Variants in PANX1 observed in about 807,000 individuals in gnomAD.
PANX1 encodes pannexin 1.
In PANX1, 30 loss-of-function variants were observed where a neutral mutation model predicts 38.7. The ratio of observed to expected loss-of-function variants is 0.78; its 90% confidence interval spans 0.58 to 1.05. The LOEUF (loss-of-function observed/expected upper bound fraction) is 1.05. Ranked by LOEUF, PANX1 falls within the 50% of genes least tolerant of loss-of-function variation. The pLI is 0.00. For synonymous variants in PANX1, 230 were observed against 212.2 expected (o/e 1.08, Z -0.73); for missense variants, 551 against 517.2 (o/e 1.07, Z -0.63).
intron 2 of PANX1, among the ~76,000 whole-genome samples, chr11:94,171,277 G>A (rs1947163362): frequency 1.3e-5 from 2 of 151,440 alleles, no homozygotes; most frequent in Admixed American, 6.6e-5. Context: ...CTAACTTCAG[G>A]CATCCCACTC....
chr11:94,152,059 A>T (rs1946888248), intron 1 of PANX1, among the ~76,000 whole-genome samples: 1 of 137,468 alleles, frequency 7.3e-6, no homozygotes, highest in South Asian at 2.1e-4. Context: ...GAGGCCTTTT[A>T]TGTGCCAGGG....
intron 3 of PANX1, 136 bp downstream of exon 3, chr11:94,178,728 G>C (rs754392056): frequency 3.1e-6 from 2 of 654,658 alleles, no homozygotes; most frequent in Non-Finnish European, 5.4e-6. Flanking sequence ...CATGCACCTA[G>C]TGACAGCCTG....
intron 1 of PANX1, among the ~76,000 whole-genome samples, chr11:94,136,070 A>C (rs770840251): frequency 1.3e-5 from 2 of 152,202 alleles, no homozygotes; most frequent in Non-Finnish European, 2.9e-5. Flanking sequence ...AAATCTTCGT[A>C]AATATTTCTC....
chr11:94,156,377 C>G (rs1183089450), intron 2 of PANX1, among the ~76,000 whole-genome samples: 1 of 152,216 alleles, frequency 6.6e-6, no homozygotes, highest in Non-Finnish European at 1.5e-5. Context: ...GGAGGTTTAT[C>G]TAAGTTTCTC....
At chr11:94,144,916 C>G (rs896643554) in intron 1 of PANX1, among the ~76,000 whole-genome samples, 2 of 152,110 alleles carry the variant, frequency 1.3e-5, no homozygotes, top group Admixed American at 1.3e-4. Flanking sequence ...GTTTCTTTTA[C>G]TAGGTTGAAT....
At chr11:94,151,833 T>A (rs12363528) in intron 1 of PANX1, among the ~76,000 whole-genome samples, 2 of 152,222 alleles carry the variant, frequency 1.3e-5, no homozygotes, top group Non-Finnish European at 2.9e-5. Flanking sequence ...TGCTGATGTT[T>A]GTGACTTTTC....
intron 1 of PANX1, among the ~76,000 whole-genome samples, chr11:94,145,219 T>G (rs1185615536): frequency 6.6e-6 from 1 of 152,212 alleles, no homozygotes; most frequent in Non-Finnish European, 1.5e-5. Flanking sequence ...ATCTTAGAAA[T>G]GCTGTTATAC....
rs766116648 is a variant in PANX1, at chr11:94,134,931, C to CA, written c.181+5442dup. Among the ~76,000 whole-genome samples, 7 of 152,268 alleles carry CA rather than the reference C, an allele frequency of 4.6e-5. No homozygotes were observed. In the East Asian group the frequency reaches 1.2e-3, roughly 25 times the overall value. On this transcript the variant is annotated intron_variant, in intron 1 of 4. Coordinates refer to ENST00000227638, the MANE Select transcript of PANX1 (RefSeq NM_015368.4). ...TTTCTTACAGCAGCCTGGTTGAAGA[C>CA]AAAACTATCAACAGACCAGACTCTG...
At chr11:94,135,227 A>G (rs1205215597) in intron 1 of PANX1, among the ~76,000 whole-genome samples, 1 of 152,204 alleles carries the variant, frequency 6.6e-6, no homozygotes, top group East Asian at 1.9e-4. Flanking sequence ...CTTAGTGGGC[A>G]GCCACCGTTC....
rs1375862744 is a variant in PANX1 at position 94,179,853 on chromosome 11, A to G, written c.797A>G (p.Lys266Arg). The change falls in exon 4 of 5, where the codon AAA (lysine) becomes AGA (arginine). Residue 266 changes from lysine to arginine, a missense_variant. Lys to Arg is a conservative substitution (Grantham distance 26). Coordinates refer to ENST00000227638, the MANE Select transcript of PANX1 (RefSeq NM_015368.4). ...DSTVPDQFQC[K>R]LIAVGIFQLL... is the part of the protein sequence containing the mutation. ...ACCGTGCCCGATCAGTTTCAGTGCA[A>G]ACTCATTGCCGTGGGCATCTTCCAG... The G allele has an allele frequency of 1.2e-6, 2 of 1,613,974 alleles. No homozygotes were observed. Among genetic ancestry groups the G allele is most frequent in the African/African-American group, 1.3e-5 (1 of 74,898 alleles).
intron 1 of PANX1, among the ~76,000 whole-genome samples, chr11:94,151,502 C>T (rs1027723747): frequency 6.6e-6 from 1 of 152,174 alleles, no homozygotes; most frequent in African/African-American, 2.4e-5. Flanking sequence ...GACAGATATT[C>T]CCAAGCAAGC....
Position 94,180,109 on chromosome 11 carries a change from G to A in PANX1, c.1053G>A (p.Leu351=), listed in dbSNP as rs756785063. 1.2e-6 allele frequency: 2 copies of A among 1,614,030 alleles called. No homozygotes were observed. The highest frequency in any genetic ancestry group is 1.1e-5 in the South Asian group (1 of 91,048). The change falls in exon 4 of 5, where the codon CTG becomes CTA. Residue 351 remains leucine (L), a synonymous_variant. Coordinates refer to ENST00000227638, the MANE Select transcript of PANX1 (RefSeq NM_015368.4). ...AGTCATACAAGTGTCTTAAGGTACT[G>A]GAGAATATTAAGAGCAGTGGTCAGG... ...EVKSYKCLKV[L]ENIKSSGQGI...
intron 1 of PANX1, among the ~76,000 whole-genome samples, chr11:94,151,428 T>C (rs191337661): frequency 6.6e-6 from 1 of 152,330 alleles, no homozygotes. Context: ...TAAGGAACAT[T>C]CTGGGCCAGG....
intron 2 of PANX1, among the ~76,000 whole-genome samples, chr11:94,155,797 A>G (rs761283941): frequency 6.6e-6 from 1 of 152,168 alleles, no homozygotes; most frequent in African/African-American, 2.4e-5. Context: ...GTGGTGCCCT[A>G]TAGTGACTCT....
chr11:94,134,672 CCTT>C (rs1163273045), intron 1 of PANX1, among the ~76,000 whole-genome samples: 1 of 141,696 alleles, frequency 7.1e-6, no homozygotes, highest in East Asian at 2.4e-4. Context: ...CCCTCTTCCT[CCTT>C]CTCTCCCTCT....
chr11:94,167,292 C>T (rs867976769), intron 2 of PANX1, among the ~76,000 whole-genome samples: 1 of 152,140 alleles, frequency 6.6e-6, no homozygotes, highest in African/African-American at 2.4e-5. Flanking sequence ...ATGCCACTTT[C>T]GTTGTTATGT....
chr11:94,150,362 A>G (rs1946870045), intron 1 of PANX1, among the ~76,000 whole-genome samples: 1 of 152,230 alleles, frequency 6.6e-6, no homozygotes, highest in Non-Finnish European at 1.5e-5. Flanking sequence ...ACTTGGCAAC[A>G]GTTTAAACAG....
intron 2 of PANX1, among the ~76,000 whole-genome samples, chr11:94,168,363 G>A (rs990649425): frequency 6.6e-6 from 1 of 151,936 alleles, no homozygotes; most frequent in Non-Finnish European, 1.5e-5. Flanking sequence ...GACAGCGGGA[G>A]CCATTGCAGG....
At position 94,178,377 on chromosome 11, in the gene PANX1, C is replaced by T; in HGVS notation, c.330C>T (p.Pro110=). Residue 110 remains proline (P), a synonymous_variant, in exon 3 of 5, where the codon CCC becomes CCT. Transcript: ENST00000227638. ...NLPLWLHKFF[P]YILLLFAILL... ...GTTCTCTTGTTTTTCAGTTTTTCCC[C>T]TACATCCTGCTGCTCTTTGCGATCC... The T allele has an allele frequency of 6.2e-7, 1 of 1,613,800 alleles. No individual in the cohort carries two copies. Among genetic ancestry groups the T allele is most frequent in the Non-Finnish European group, 8.5e-7 (1 of 1,179,762 alleles).
Sources: gnomAD v4.1 joint callset for allele counts (sites outside exome capture counted in the v4.1 genomes callset) on GRCh38, gnomAD v4.1.1 for gene constraint, MANE v1.5 for transcripts, NCBI Gene and HGNC (gene_info 2026-07-23, HGNC 2026-07-21) for gene names.